Variants in APLP2 observed in about 807,000 individuals in gnomAD.
APLP2 encodes CDEI box-binding protein.
In APLP2, 53 loss-of-function variants were observed where a neutral mutation model predicts 89.9. That is an observed-to-expected ratio of 0.59 (90% CI 0.47 to 0.74). APLP2 has a LOEUF of 0.74. APLP2 is among the 30% of genes least tolerant of loss of function. APLP2 has a pLI of 0.00. For missense variants in APLP2, 973 were observed against 975.9 expected (o/e 1.00, Z 0.04); for synonymous variants, 372 against 348.6 (o/e 1.07, Z -0.75).
At chr11:130,085,655 C>A (rs1208513237) in intron 1 of APLP2, among the ~76,000 whole-genome samples, 2 of 152,108 alleles carry the variant, frequency 1.3e-5, no homozygotes, top group Non-Finnish European at 2.9e-5. Context: ...TTAAGGACAT[C>A]CACAACATTG....
chr11:130,125,224 A>C (rs968713269), intron 7 of APLP2, among the ~76,000 whole-genome samples: 9 of 152,202 alleles, frequency 5.9e-5, no homozygotes, highest in African/African-American at 2.2e-4. Flanking sequence ...GTGTCTTCAG[A>C]AAAAAGCATT....
intron 1 of APLP2, among the ~76,000 whole-genome samples, chr11:130,092,886 GC>G (rs1229694338): frequency 1.3e-5 from 2 of 152,162 alleles, no homozygotes; most frequent in East Asian, 3.9e-4. Context: ...CCTCATCTTA[GC>G]CGGGAGGAGC....
chr11:130,096,404 C>A (rs192065653), intron 1 of APLP2, among the ~76,000 whole-genome samples: 1 of 152,244 alleles, frequency 6.6e-6, no homozygotes, highest in African/African-American at 2.4e-5. Flanking sequence ...CTCCCAGTGC[C>A]CACCTGACAA....
intron 13 of APLP2, 103 bp downstream of exon 13, chr11:130,135,818 T>G (rs1335042905): frequency 2.1e-6 from 3 of 1,407,916 alleles, no homozygotes; most frequent in Non-Finnish European, 2.9e-6. Flanking sequence ...GAGATGGTGT[T>G]CCTGCGAGAG....
At position 130,133,554 on chromosome 11, in the gene APLP2, T is replaced by A. The variant is rs1000524764; in HGVS notation, c.1585-75T>A. ...GTGGTTTTTCCAGAAGTTGTGTCGATGTTCCAGCTGCAAGTTCCCTCCTGG... is the reference window on the plus strand; with the variant it reads ...GTGGTTTTTCCAGAAGTTGTGTCGAAGTTCCAGCTGCAAGTTCCCTCCTGG... On this transcript the variant is annotated intron_variant, in intron 11 of 16. Coordinates refer to ENST00000338167, the MANE Select transcript of APLP2 (RefSeq NM_001142276.2). 6.6e-6 allele frequency: 7 copies of A among 1,065,480 alleles called. No homozygotes were observed. In the East Asian group the frequency reaches 1.7e-4, roughly 25 times the overall value. 66.0% of individuals were successfully genotyped at this position (1,065,480 alleles called of 1,614,324 possible).
chr11:130,083,068 C>T (rs989145219), intron 1 of APLP2, among the ~76,000 whole-genome samples: 15 of 115,774 alleles, frequency 1.3e-4, no homozygotes, highest in Non-Finnish European at 1.6e-5. Flanking sequence ...CACGGTCTCA[C>T]ACTGTTGTCC....
chr11:130,089,452 C>T lies in APLP2; in HGVS notation c.105+19370C>T, dbSNP rs536772562. 2.0e-5 allele frequency among the ~76,000 whole-genome samples: 3 copies of T among 152,326 alleles called. No individual in the cohort carries two copies. The South Asian group carries it at 6.2e-4, about 32-fold the overall frequency. On this transcript the variant is annotated intron_variant, in intron 1 of 16. Coordinates refer to ENST00000338167, the MANE Select transcript of APLP2 (RefSeq NM_001142276.2). ...TGCATGCCTCTGTTACAGCTCTTCTCAGTTGCAGCATGCTCACTGTCTCCA... is the reference window on the plus strand; with the variant it reads ...TGCATGCCTCTGTTACAGCTCTTCTTAGTTGCAGCATGCTCACTGTCTCCA...
chr11:130,136,253 G>A lies in APLP2; in HGVS notation c.1837+538G>A, dbSNP rs192413655. On this transcript the variant is annotated intron_variant, in intron 13 of 16. Coordinates refer to ENST00000338167, the MANE Select transcript of APLP2 (RefSeq NM_001142276.2). Reference sequence around the variant, plus strand: ...AGTCTGCTCCAGAAATAAACAAGTTGCTGAGACCAGTGCCCTGAGAGCCGT... The same window carrying A: ...AGTCTGCTCCAGAAATAAACAAGTTACTGAGACCAGTGCCCTGAGAGCCGT... Among the ~76,000 whole-genome samples, 4 of 152,302 alleles carry A rather than the reference G, an allele frequency of 2.6e-5. No homozygotes were observed. In the East Asian group the frequency reaches 7.7e-4, roughly 29 times the overall value.
At chr11:130,086,054 A>C (rs1051496709) in intron 1 of APLP2, among the ~76,000 whole-genome samples, 12 of 152,342 alleles carry the variant, frequency 7.9e-5, no homozygotes, top group African/African-American at 2.9e-4. Context: ...TCGGATATTT[A>C]CTAAGAAGTG....
Position 130,122,473 on chromosome 11 carries a change from C to CGGCA in APLP2, c.883_886dup (p.Thr296ArgfsTer11). The CGGCA allele has an allele frequency of 6.2e-7, 1 of 1,614,110 alleles. No individual in the cohort carries two copies. The highest frequency in any genetic ancestry group is 1.1e-5 in the South Asian group (1 of 91,076). On this transcript the variant is annotated frameshift_variant, in exon 6 of 17. Transcript: ENST00000338167. LOFTEE classifies it high-confidence loss of function. The stretch of plus-strand genomic sequence containing the variant: ...AGAATCCTACTGAACCCGGCAGCGA[C>CGGCA]GGCACCATGTCAGACAAGGAAATTA...
At chr11:130,095,110 T>TG (rs1555133566) in intron 1 of APLP2, among the ~76,000 whole-genome samples, 1 of 151,906 alleles carries the variant, frequency 6.6e-6, no homozygotes. Flanking sequence ...TATGTTATAA[T>TG]GAGATAGACC....
chr11:130,091,397 C>A (rs1237764730), intron 1 of APLP2, among the ~76,000 whole-genome samples: 1 of 143,772 alleles, frequency 7.0e-6, no homozygotes, highest in African/African-American at 2.7e-5. Flanking sequence ...CCGGATGGGG[C>A]GGCTGGCCGG....
intron 4 of APLP2, 150 bp from the exon 5 acceptor site, chr11:130,121,464 A>C: frequency 1.0e-6 from 1 of 992,496 alleles, no homozygotes; most frequent in Non-Finnish European, 1.4e-6. Context: ...TATTATTACA[A>C]TTTTTTTTTG....
At chr11:130,085,240 A>G (rs910488439) in intron 1 of APLP2, among the ~76,000 whole-genome samples, 3 of 152,244 alleles carry the variant, frequency 2.0e-5, no homozygotes, top group African/African-American at 7.2e-5. Context: ...ACCTGAGGTC[A>G]GGAGTTTGAG....
rs529271408 is a variant in APLP2, at chr11:130,070,034, G to C, written c.57G>C (p.Leu19=). 14 of 1,513,706 alleles carry C rather than the reference G, an allele frequency of 9.2e-6. No homozygotes were observed. The African/African-American group carries it at 1.9e-4, about 20-fold the overall frequency. The allele number at this position is 1,513,706 out of a possible 1,614,324, so 93.8% of individuals were successfully genotyped here. The change falls in exon 1 of 17, where the codon CTG becomes CTC. Residue 19 remains leucine, a synonymous_variant. Coordinates refer to ENST00000338167, the MANE Select transcript of APLP2 (RefSeq NM_001142276.2). The part of the protein sequence containing the change: ...AAATGRLLLL[L]LVGLTAPALA... Reference sequence around the variant, plus strand: ...CCACGGGCAGGCTCCTGCTTCTGCTGCTGGTGGGGCTCACGGCGCCTGCCT... The same window carrying C: ...CCACGGGCAGGCTCCTGCTTCTGCTCCTGGTGGGGCTCACGGCGCCTGCCT...
chr11:130,142,329 G>A (rs960624693), intron 16 of APLP2, among the ~76,000 whole-genome samples: 11 of 152,144 alleles, frequency 7.2e-5, no homozygotes, highest in African/African-American at 2.7e-4. Flanking sequence ...ATGCTACAGA[G>A]GGTGAAAACT....
chr11:130,103,756 T>G (rs529524627), intron 1 of APLP2, among the ~76,000 whole-genome samples: 1 of 152,368 alleles, frequency 6.6e-6, no homozygotes, highest in East Asian at 1.9e-4. Flanking sequence ...TATTCACTTT[T>G]GGAATTTAAG....
At chr11:130,073,124 A>G (rs143582323) in intron 1 of APLP2, among the ~76,000 whole-genome samples, 2,987 of 152,344 alleles carry the variant, frequency 0.02, 47 homozygotes, top group Middle Eastern at 0.068. Flanking sequence ...TCCTATGAAA[A>G]TTTAGCTTCT....
chr11:130,091,194 C>G (rs1591778683), intron 1 of APLP2, among the ~76,000 whole-genome samples: 1 of 129,642 alleles, frequency 7.7e-6, no homozygotes, highest in Non-Finnish European at 1.6e-5. Context: ...ACCTCCCGGA[C>G]GGGGCGGCTG....
Sources: gnomAD v4.1 joint callset for allele counts (sites outside exome capture counted in the v4.1 genomes callset) on GRCh38, gnomAD v4.1.1 for gene constraint, MANE v1.5 for transcripts, NCBI Gene and HGNC (gene_info 2026-07-23, HGNC 2026-07-21) for gene names.